Variants in COMP observed in about 807,000 individuals in gnomAD.
COMP encodes cartilage oligomeric matrix protein.
Under a neutral mutation model 95.8 loss-of-function variants are expected in COMP, and 79 were observed. That is an observed-to-expected ratio of 0.82 (90% CI 0.69 to 0.99). The LOEUF is 0.99. Among genes scored for constraint, COMP ranks in the 50% least tolerant of loss-of-function variants. COMP has a pLI of 0.00. For missense variants in COMP, 906 were observed against 1,076.1 expected, an observed-to-expected ratio of 0.84 and a Z score of 2.21; for synonymous variants, 438 against 433.9, an observed-to-expected ratio of 1.01 and a Z score of -0.12.
rs754834870 is a variant in COMP at position 18,786,496 on chromosome 19, G to C, written c.1254+36C>G. The C allele has an allele frequency of 3.1e-6, 5 of 1,590,704 alleles. No individual in the cohort carries two copies. In the East Asian group the frequency reaches 8.9e-5, roughly 28 times the overall value. On this transcript the variant is annotated intron_variant, in intron 11 of 18. Coordinates refer to ENST00000222271, the MANE Select transcript of COMP (RefSeq NM_000095.3). ...GGTAATCCAACTTGCAGTTCACCCAGAGGGCTTACCCAGCTGGAGTCTGGC... is the reference window on the plus strand; with the variant it reads ...GGTAATCCAACTTGCAGTTCACCCACAGGGCTTACCCAGCTGGAGTCTGGC...
At position 18,790,604 on chromosome 19, in the gene COMP, T is replaced by C; in HGVS notation, c.175A>G (p.Ile59Val). ...RELLRQQVRE[I>V]TFLKNTVMEC... is the part of the protein sequence containing the mutation. ...ATCACCGTGTTTTTCAGGAACGTGA[T>C]CTCCCTGACCTGCAGGGGTGGGATG... Residue 59 changes from isoleucine (I) to valine (V), a missense_variant, in exon 3 of 19, where the codon ATC becomes GTC. Transcript: ENST00000222271. 2 of 1,613,810 alleles carry C rather than the reference T, an allele frequency of 1.2e-6. No individual in the cohort carries two copies. Among genetic ancestry groups the C allele is most frequent in the Non-Finnish European group, 1.7e-6 (2 of 1,179,858 alleles).
In COMP at chr19:18,784,322, G is replaced by A. The variant is rs10421797; in HGVS notation, c.1956C>T (p.Asn652=). ...CTGTGTCTCCTGTATGCCACAGAGC[G>A]TTCCGCAGCTGTTCCCCGGGGCCTG... The part of the protein sequence containing the change: ...SSTGPGEQLR[N]ALWHTGDTES... The change falls in exon 17 of 19, where the codon AAC becomes AAT. Residue 652 remains asparagine, a synonymous_variant. Transcript: ENST00000222271. This position sits in a 1 kb window ranked among gnomAD's most constrained non-coding sequence, Gnocchi z 4.9. The A allele has an allele frequency of 1.5e-3, 2,458 of 1,614,072 alleles. 40 individuals carry two copies. In the African/African-American group the frequency reaches 0.027, roughly 18 times the overall value.
In COMP at chr19:18,788,556, C is replaced by T; in HGVS notation, c.762+36G>A. ...GTGGGTGCCCTGGAGTGGCCGCCAC[C>T]CAACCCCGCCTCAAGCCCAGCCCGC... is the stretch of plus-strand genomic sequence containing the variant. On this transcript the variant is annotated intron_variant, in intron 7 of 18. Coordinates refer to ENST00000222271, the MANE Select transcript of COMP (RefSeq NM_000095.3). This position sits in a 1 kb window ranked among gnomAD's most constrained non-coding sequence, Gnocchi z 4.7. The T allele has an allele frequency of 6.4e-7, 1 of 1,554,178 alleles. No individual in the cohort carries two copies. The highest frequency in any genetic ancestry group is 8.7e-7 in the Non-Finnish European group (1 of 1,149,332).
Position 18,788,850 on chromosome 19 carries a change from T to G in COMP, c.592A>C (p.Ile198Leu). Residue 198 changes from isoleucine (I) to leucine (L), a missense_variant, in exon 6 of 19, where the codon ATC becomes CTC. Transcript: ENST00000222271. This position sits in a 1 kb window ranked among gnomAD's most constrained non-coding sequence, Gnocchi z 4.7. ...QHNCVPNSVC[I>L]NTRGSFQCGP... ...CCAGCGGGCCTTACCCGGGTGTTGA[T>G]GCACACGGAGTTGGGGACGCAGTTA... The G allele has an allele frequency of 1.9e-6, 3 of 1,613,948 alleles. No homozygotes were observed. The highest frequency in any genetic ancestry group is 2.5e-6 in the Non-Finnish European group (3 of 1,179,978).
At chr19:18,785,311 C>T (rs1328157339) in intron 15 of COMP, among the ~76,000 whole-genome samples, 187 bp downstream of exon 15, 4 of 151,738 alleles carry the variant, frequency 2.6e-5, no homozygotes, top group Admixed American at 2.6e-4. Context: ...GAGCCCGCCC[C>T]TCCTCTGGCC....
chr19:18,790,769 G>GGT, intron 2 of COMP, 81 bp downstream of exon 2: 1 of 1,591,098 alleles, frequency 6.3e-7, no homozygotes, highest in Non-Finnish European at 8.5e-7. Flanking sequence ...CCACCTTCTC[G>GGT]GGTACTTCCT....
At chr19:18,787,417 C>T (rs369968743) in intron 10 of COMP, 74 bp downstream of exon 10, 31 of 1,594,370 alleles carry the variant, frequency 1.9e-5, no homozygotes, top group African/African-American at 1.1e-4. Context: ...ACCAGCCAAG[C>T]CCCGCCCCGG....
Position 18,784,631 on chromosome 19 carries a change from C to T in COMP, c.1914+265G>A, listed in dbSNP as rs1284204175. 1.3e-5 allele frequency among the ~76,000 whole-genome samples: 2 copies of T among 151,862 alleles called. No individual in the cohort carries two copies. Among genetic ancestry groups the T allele is most frequent in the African/African-American group, 2.4e-5 (1 of 41,300 alleles). On this transcript the variant is annotated intron_variant, in intron 16 of 18. Coordinates refer to ENST00000222271, the MANE Select transcript of COMP (RefSeq NM_000095.3). This position sits in a 1 kb window ranked among gnomAD's most constrained non-coding sequence, Gnocchi z 4.9. Reference sequence around the variant, plus strand: ...GAGGATGGGGGGCTCTGCAGAAGGACTTGGAAACTAAGGAAAAGTTTAGGG... The same window carrying T: ...GAGGATGGGGGGCTCTGCAGAAGGATTTGGAAACTAAGGAAAAGTTTAGGG...
rs747085396 is a variant in COMP at position 18,783,118 on chromosome 19, G to T, written c.2163C>A (p.Arg721=). 21 of 1,611,384 alleles carry T rather than the reference G, an allele frequency of 1.3e-5. No individual in the cohort carries two copies. The highest frequency in any genetic ancestry group is 1.8e-5 in the Non-Finnish European group (21 of 1,179,984). Residue 721 remains arginine (R), a synonymous_variant, in exon 18 of 19, where the codon CGC becomes CGA. Transcript: ENST00000222271. The part of the protein sequence containing the change: ...VVLDTTMRGG[R]LGVFCFSQEN... ...CCTGGGAGAAGCAGAAGACCCCCAG[G>T]CGGCCACCCCGCATGGTTGTGTCCA...
chr19:18,791,125 G>A (rs1199928333), intron 1 of COMP, 66 bp downstream of exon 1: 3 of 1,533,350 alleles, frequency 2.0e-6, no homozygotes, highest in Non-Finnish European at 2.6e-6. Flanking sequence ...TGGATCCCGG[G>A]CCTCTCACGG....
chr19:18,783,062 C>T lies in COMP; in HGVS notation c.2219G>A (p.Arg740His), dbSNP rs138174876. The T allele has an allele frequency of 9.9e-6, 16 of 1,612,076 alleles. No homozygotes were observed. Among genetic ancestry groups the T allele is most frequent in the South Asian group, 8.8e-5 (8 of 91,094 alleles). ...GCTGGCCCTCGGCTCACCATTGCAG[C>T]GGTAACGCAGGTTGGCCCAGATGAT... Reference protein sequence around the residue: ...ENIIWANLRYRCNDTIPEDYE... With the variant: ...ENIIWANLRYHCNDTIPEDYE... Residue 740 changes from arginine to histidine, a missense_variant, in exon 18 of 19, where the codon CGC (arginine) becomes CAC (histidine). Coordinates refer to ENST00000222271, the MANE Select transcript of COMP (RefSeq NM_000095.3).
At chr19:18,783,418 G>T (rs908371188) in intron 17 of COMP, among the ~76,000 whole-genome samples, 1 of 152,170 alleles carries the variant, frequency 6.6e-6, no homozygotes, top group Non-Finnish European at 1.5e-5. Flanking sequence ...TGGAATGGAG[G>T]CTGAGAAACA....
intron 3 of COMP, among the ~76,000 whole-genome samples, 176 bp downstream of exon 3, chr19:18,790,386 T>A (rs939055275): frequency 9.9e-5 from 15 of 152,136 alleles, no homozygotes; most frequent in African/African-American, 3.4e-4. Flanking sequence ...CGCTTCTGTC[T>A]CTTTTTGTCT....
At position 18,783,199 on chromosome 19, in the gene COMP, G is replaced by A; in HGVS notation, c.2088-6C>T. The A allele has an allele frequency of 1.2e-6, 2 of 1,606,604 alleles. No individual in the cohort carries two copies. ...GGCCCTCATAGAATCGCACCCTGAGGGTCAGACATGGTGAGGCCTGGGGGA... is the reference window on the plus strand; with the variant it reads ...GGCCCTCATAGAATCGCACCCTGAGAGTCAGACATGGTGAGGCCTGGGGGA... On this transcript the variant is annotated splice_polypyrimidine_tract_variant and splice_region_variant and intron_variant, in intron 17 of 18. Coordinates refer to ENST00000222271, the MANE Select transcript of COMP (RefSeq NM_000095.3).
rs2055133256 is a variant in COMP at position 18,782,842 on chromosome 19, T to C, written c.*73A>G. The stretch of plus-strand genomic sequence containing the variant: ...CTTCCCCCTCAGGACGGCCACCCCT[T>C]GGGGCTGGGTGCAGAGCCCCCATCC... On this transcript the variant is annotated 3_prime_UTR_variant, in exon 19 of 19. Transcript: ENST00000222271. 21 of 1,553,938 alleles carry C rather than the reference T, an allele frequency of 1.4e-5. No individual in the cohort carries two copies. In the South Asian group the frequency reaches 2.3e-4, roughly 17 times the overall value.
In COMP at chr19:18,783,161, G is replaced by C. The variant is rs868294159; in HGVS notation, c.2120C>G (p.Ala707Gly). The change falls in exon 18 of 19, where the codon GCC (alanine) becomes GGC (glycine). Residue 707 changes from alanine to glycine, a missense_variant. Transcript: ENST00000222271. ...VRFYEGPELVADSNVVLDTTM... is the reference protein window; with the variant it reads ...VRFYEGPELVGDSNVVLDTTM... ...TGTGTCCAAGACCACGTTGCTGTCGGCCACCAGCTCAGGGCCCTCATAGAA... is the reference window on the plus strand; with the variant it reads ...TGTGTCCAAGACCACGTTGCTGTCGCCCACCAGCTCAGGGCCCTCATAGAA... 6.2e-7 allele frequency: 1 copy of C among 1,609,618 alleles called. No homozygotes were observed. The highest frequency in any genetic ancestry group is 8.5e-7 in the Non-Finnish European group (1 of 1,180,002).
Position 18,784,048 on chromosome 19 carries a change from C to A in COMP, c.2087+143G>T. 1 of 922,542 alleles carries A rather than the reference C, an allele frequency of 1.1e-6. No individual in the cohort carries two copies. The highest frequency in any genetic ancestry group is 1.7e-6 in the Non-Finnish European group (1 of 584,528). The allele number at this position is 922,542 out of a possible 1,614,324, so 57.1% of individuals were successfully genotyped here. On this transcript the variant is annotated intron_variant, in intron 17 of 18. Transcript: ENST00000222271. The surrounding 1 kb of genome is among the most constrained non-coding windows in gnomAD (Gnocchi z 4.9). ...GTGTGAGCCACCACGCCTGGACCAG[C>A]ATAGGCTCATTCTAACTGCCCTGTA...
intron 17 of COMP, among the ~76,000 whole-genome samples, chr19:18,783,920 C>CT (rs1051812627): frequency 1.3e-5 from 2 of 151,996 alleles, no homozygotes; most frequent in Non-Finnish European, 2.9e-5. Context: ...TAATTTTTTT[C>CT]TTTTTTGTAG....
Position 18,790,599 on chromosome 19 carries a change from C to T in COMP, c.180G>A (p.Thr60=). 1.2e-6 allele frequency: 2 copies of T among 1,613,954 alleles called. No homozygotes were observed. The highest frequency in any genetic ancestry group is 1.7e-6 in the Non-Finnish European group (2 of 1,179,894). Residue 60 remains threonine, a synonymous_variant, in exon 3 of 19, where the codon ACG becomes ACA. Coordinates refer to ENST00000222271, the MANE Select transcript of COMP (RefSeq NM_000095.3). ...ELLRQQVREI[T]FLKNTVMECD... is the part of the protein sequence containing the mutation. ...ACTCCATCACCGTGTTTTTCAGGAA[C>T]GTGATCTCCCTGACCTGCAGGGGTG... is the stretch of plus-strand genomic sequence containing the variant.
Sources: allele counts gnomAD v4.1 joint callset (sites outside exome capture counted in the v4.1 genomes callset), GRCh38; gene constraint gnomAD v4.1.1; non-coding constraint Gnocchi (gnomAD v3.1); transcripts MANE v1.5; gene names NCBI Gene and HGNC (gene_info 2026-07-23, HGNC 2026-07-21).